KIRREL3: variants seen among roughly 807,000 people sequenced by gnomAD.
KIRREL3 encodes kirre like nephrin family adhesion molecule 3, also known as kin of IRRE-like protein 3.
A neutral mutation model predicts 89.7 loss-of-function variants in KIRREL3; 36 were observed. That is an observed-to-expected ratio of 0.40 (90% CI 0.31 to 0.53). The LOEUF (loss-of-function observed/expected upper bound fraction) is 0.53, where lower values mean the gene tolerates loss of function less well. Ranked by LOEUF, KIRREL3 falls within the 20% of genes least tolerant of loss-of-function variation. The pLI is 0.49. For synonymous variants in KIRREL3, 445 were observed against 441.4 expected (o/e 1.01, Z -0.10); for missense variants, 864 against 1,056.6 (o/e 0.82, Z 2.53).
Position 126,553,604 on chromosome 11 carries a change from G to C in KIRREL3, c.133+9231C>G, listed in dbSNP as rs1306730333. 2.6e-5 allele frequency among the ~76,000 whole-genome samples: 4 copies of C among 152,194 alleles called. No homozygotes were observed. Among genetic ancestry groups the C allele is most frequent in the Non-Finnish European group, 5.9e-5 (4 of 68,028 alleles). On this transcript the variant is annotated intron_variant, in intron 2 of 16. Coordinates refer to ENST00000525144, the MANE Select transcript of KIRREL3 (RefSeq NM_032531.4). The surrounding 1 kb of genome is among the most constrained non-coding windows in gnomAD (Gnocchi z 4.7). ...GGTGGCCACCTCAAGGGAGCAGCTG[G>C]GGCTATCTGCGTGTCGATTCCCGTC...
At chr11:126,464,310 C>T (rs1214523603) in intron 5 of KIRREL3, among the ~76,000 whole-genome samples, 1 of 143,382 alleles carries the variant, frequency 7.0e-6, no homozygotes, top group African/African-American at 2.6e-5. Flanking sequence ...GACTTGGTGA[C>T]CAGCCTGGGC....
chr11:126,679,098 G>A lies in KIRREL3; in HGVS notation c.56-116186C>T, dbSNP rs979000479. Among the ~76,000 whole-genome samples, 8 of 152,184 alleles carry A rather than the reference G, an allele frequency of 5.3e-5. No homozygotes were observed. The East Asian group carries it at 1.5e-3, about 29-fold the overall frequency. ...CACATTATGAGAACTTGCTGGTGCT[G>A]CCCTCTGCCCCTTCTTCCTGAATGT... is the stretch of plus-strand genomic sequence containing the variant. On this transcript the variant is annotated intron_variant, in intron 1 of 16. Transcript: ENST00000525144.
chr11:126,858,412 T>A lies in KIRREL3; in HGVS notation c.55+142043A>T, dbSNP rs895005964. Among the ~76,000 whole-genome samples, 4 of 152,178 alleles carry A rather than the reference T, an allele frequency of 2.6e-5. No individual in the cohort carries two copies. The South Asian group carries it at 8.3e-4, about 32-fold the overall frequency. On this transcript the variant is annotated intron_variant, in intron 1 of 16. Transcript: ENST00000525144. ...GGGAGGGACAGAAAGGCTGGGATGATGTGGCAGGGTGCATATGCTTGCCAT... is the reference window on the plus strand; with the variant it reads ...GGGAGGGACAGAAAGGCTGGGATGAAGTGGCAGGGTGCATATGCTTGCCAT...
At chr11:126,473,248 CCCTCCCCACCCACTCCCCTTG>C in intron 5 of KIRREL3, 40 bp downstream of exon 5, 1 of 693,900 alleles carries the variant, frequency 1.4e-6, no homozygotes, top group Non-Finnish European at 2.0e-6. Flanking sequence ...CCACCTAGCC[CCCTCCCCACCCACTCCCCTTG>C]AAGCCCGTCC....
rs1950855229 is a variant in KIRREL3, at chr11:126,797,611, G to A, written c.55+202844C>T. ...ATCTACTCCACAGCCTGTGACAGCT[G>A]GGGCTGTGTGATGGGGCTTCTGATG... On this transcript the variant is annotated intron_variant, in intron 1 of 16. Transcript: ENST00000525144. This position sits in a 1 kb window ranked among gnomAD's most constrained non-coding sequence, Gnocchi z 4.9. Among the ~76,000 whole-genome samples the A allele has an allele frequency of 1.3e-5, 2 of 152,252 alleles. No individual in the cohort carries two copies. The highest frequency in any genetic ancestry group is 3.9e-4 in the East Asian group (2 of 5,170).
rs200891282 is a variant in KIRREL3 at position 126,450,379 on chromosome 11, ATGTG to A, written c.849-1226_849-1223del. ...TGCATGTGTGCATGTGTGAGTGTGC[ATGTG>A]TGAGTGTGGGTATGTGTGAGTGTGT... On this transcript the variant is annotated intron_variant, in intron 7 of 16. Coordinates refer to ENST00000525144, the MANE Select transcript of KIRREL3 (RefSeq NM_032531.4). Among the ~76,000 whole-genome samples, 520 of 129,760 alleles carry A rather than the reference ATGTG, an allele frequency of 4.0e-3. 7 individuals are homozygous for A. In the Middle Eastern group the frequency reaches 0.088, roughly 22 times the overall value. The allele number at this position is 129,760 out of a possible 152,430, so 85.1% of individuals were successfully genotyped here.
chr11:126,592,640 T>C (rs1035551523), intron 1 of KIRREL3, among the ~76,000 whole-genome samples: 1 of 152,192 alleles, frequency 6.6e-6, no homozygotes, highest in South Asian at 2.1e-4. Context: ...TCTGCATGCC[T>C]GCTGTGCGGG....
Position 126,501,319 on chromosome 11 carries a change from C to T in KIRREL3, c.433+19996G>A, listed in dbSNP as rs1957854082. 1.3e-5 allele frequency among the ~76,000 whole-genome samples: 2 copies of T among 152,162 alleles called. No homozygotes were observed. Among genetic ancestry groups the T allele is most frequent in the South Asian group, 4.1e-4 (2 of 4,822 alleles). The stretch of plus-strand genomic sequence containing the variant: ...TTGTAGTTCTAAAGCCTATTCATTT[C>T]CTCCATGTTCACATCTTTAAGAGGG... On this transcript the variant is annotated intron_variant, in intron 4 of 16. Coordinates refer to ENST00000525144, the MANE Select transcript of KIRREL3 (RefSeq NM_032531.4). The surrounding 1 kb of genome is among the most constrained non-coding windows in gnomAD (Gnocchi z 5.8).
chr11:126,837,828 A>G lies in KIRREL3; in HGVS notation c.55+162627T>C, dbSNP rs1218972763. Among the ~76,000 whole-genome samples, 2 of 152,228 alleles carry G rather than the reference A, an allele frequency of 1.3e-5. No homozygotes were observed. Among genetic ancestry groups the G allele is most frequent in the East Asian group, 1.9e-4 (1 of 5,200 alleles). ...GGACAGCAACTTGCTATCCATTTCT[A>G]GCAGCTCGCAGTCTATGTCCAGGCA... is the stretch of plus-strand genomic sequence containing the variant. On this transcript the variant is annotated intron_variant, in intron 1 of 16. Transcript: ENST00000525144. This position sits in a 1 kb window ranked among gnomAD's most constrained non-coding sequence, Gnocchi z 4.7.
chr11:126,610,136 A>T lies in KIRREL3; in HGVS notation c.56-47224T>A, dbSNP rs1943065089. On this transcript the variant is annotated intron_variant, in intron 1 of 16. Coordinates refer to ENST00000525144, the MANE Select transcript of KIRREL3 (RefSeq NM_032531.4). This position sits in a 1 kb window ranked among gnomAD's most constrained non-coding sequence, Gnocchi z 4.6. ...GACAGAATTTTGCCCTTTCACCCAG[A>T]CTGGAGTGCAGCAGCAAGATCTCGG... Among the ~76,000 whole-genome samples, 1 of 151,874 alleles carries T rather than the reference A, an allele frequency of 6.6e-6. No individual in the cohort carries two copies.
rs1956594334 is a variant in KIRREL3 at position 126,462,943 on chromosome 11, A to T, written c.742+214T>A. On this transcript the variant is annotated intron_variant, in intron 6 of 16. Coordinates refer to ENST00000525144, the MANE Select transcript of KIRREL3 (RefSeq NM_032531.4). This position sits in a 1 kb window ranked among gnomAD's most constrained non-coding sequence, Gnocchi z 4.8. ...ACAGGTGTTGAAATGTGGCCTGAAG[A>T]TGTCCTTTGCGAAAGACCCTCATCT... is the stretch of plus-strand genomic sequence containing the variant. Among the ~76,000 whole-genome samples, 1 of 152,222 alleles carries T rather than the reference A, an allele frequency of 6.6e-6. No homozygotes were observed. Among genetic ancestry groups the T allele is most frequent in the Non-Finnish European group, 1.5e-5 (1 of 68,036 alleles).
rs905227260 is a variant in KIRREL3, at chr11:126,682,528, T to C, written c.56-119616A>G. 1.3e-5 allele frequency among the ~76,000 whole-genome samples: 2 copies of C among 152,154 alleles called. No individual in the cohort carries two copies. The highest frequency in any genetic ancestry group is 1.3e-4 in the Admixed American group (2 of 15,280). On this transcript the variant is annotated intron_variant, in intron 1 of 16. Coordinates refer to ENST00000525144, the MANE Select transcript of KIRREL3 (RefSeq NM_032531.4). The surrounding 1 kb of genome is among the most constrained non-coding windows in gnomAD (Gnocchi z 4.8). ...GATGACCTCTGAGTGCGGAGCTTTT[T>C]TGTCAATTTTTTAAAGACAGTGGTC...
rs1944639164 is a variant in KIRREL3, at chr11:126,645,678, AAC to A, written c.56-82768_56-82767del. Among the ~76,000 whole-genome samples the A allele has an allele frequency of 6.6e-6, 1 of 152,280 alleles. No homozygotes were observed. On this transcript the variant is annotated intron_variant, in intron 1 of 16. Transcript: ENST00000525144. The surrounding 1 kb of genome is among the most constrained non-coding windows in gnomAD (Gnocchi z 4.9). ...ACTCTCAAAGCCTTTGTTAATTAAA[AAC>A]ACACACAGCTCTTCAGGGAACATTT...
chr11:126,806,385 T>C (rs182503817), intron 1 of KIRREL3, among the ~76,000 whole-genome samples: 49 of 152,312 alleles, frequency 3.2e-4, no homozygotes, highest in African/African-American at 1.1e-3. Context: ...CAGATCTCTA[T>C]CTGTAAACTA....
Position 126,978,211 on chromosome 11 carries a change from GC to G in KIRREL3, c.55+22243del, listed in dbSNP as rs1313735515. Among the ~76,000 whole-genome samples the G allele has an allele frequency of 2.0e-5, 3 of 152,146 alleles. No homozygotes were observed. Among genetic ancestry groups the G allele is most frequent in the Admixed American group, 6.5e-5 (1 of 15,276 alleles). On this transcript the variant is annotated intron_variant, in intron 1 of 16. Transcript: ENST00000525144. This position sits in a 1 kb window ranked among gnomAD's most constrained non-coding sequence, Gnocchi z 4.2. The stretch of plus-strand genomic sequence containing the variant: ...ATGCGATTCTTTCAGGGTTGCTTCT[GC>G]CCTTCCTCTTCTCCAACATTTTCTT...
chr11:126,801,189 A>T (rs1020048493), intron 1 of KIRREL3, among the ~76,000 whole-genome samples: 1 of 152,214 alleles, frequency 6.6e-6, no homozygotes, highest in African/African-American at 2.4e-5. Flanking sequence ...TTACATTTCA[A>T]TTTTTATGAA....
Position 126,750,774 on chromosome 11 carries a change from A to C in KIRREL3, c.56-187862T>G, listed in dbSNP as rs1254268534. ...CCTAGCTATATCACATGGATTGTCCAAGCTAACAAATGGTAGTGCAAACGT... is the reference window on the plus strand; with the variant it reads ...CCTAGCTATATCACATGGATTGTCCCAGCTAACAAATGGTAGTGCAAACGT... On this transcript the variant is annotated intron_variant, in intron 1 of 16. Coordinates refer to ENST00000525144, the MANE Select transcript of KIRREL3 (RefSeq NM_032531.4). The surrounding 1 kb of genome is among the most constrained non-coding windows in gnomAD (Gnocchi z 4.2). 6.6e-6 allele frequency among the ~76,000 whole-genome samples: 1 copy of C among 152,232 alleles called. No individual in the cohort carries two copies. The highest frequency in any genetic ancestry group is 1.5e-5 in the Non-Finnish European group (1 of 68,036).
Position 126,653,181 on chromosome 11 carries a change from G to A in KIRREL3, c.56-90269C>T, listed in dbSNP as rs1565622048. On this transcript the variant is annotated intron_variant, in intron 1 of 16. Coordinates refer to ENST00000525144, the MANE Select transcript of KIRREL3 (RefSeq NM_032531.4). The surrounding 1 kb of genome is among the most constrained non-coding windows in gnomAD (Gnocchi z 5.4). ...AGAATGATGGAATAACTAGGCAAGT[G>A]AGAGAGGCAGACAGTGCACTATCTA... Among the ~76,000 whole-genome samples the A allele has an allele frequency of 6.6e-6, 1 of 152,238 alleles. No homozygotes were observed. Among genetic ancestry groups the A allele is most frequent in the Non-Finnish European group, 1.5e-5 (1 of 68,034 alleles).
chr11:126,534,513 G>C (rs647185), intron 2 of KIRREL3, among the ~76,000 whole-genome samples: 70,231 of 152,034 alleles, frequency 0.46, 17,129 homozygotes, highest in East Asian at 0.86. Context: ...GGCTCTGCGG[G>C]GCAGGGTCCC....
Sources: allele counts gnomAD v4.1 joint callset (sites outside exome capture counted in the v4.1 genomes callset), GRCh38; gene constraint gnomAD v4.1.1; non-coding constraint Gnocchi (gnomAD v3.1); transcripts MANE v1.5; gene names NCBI Gene and HGNC (gene_info 2026-07-23, HGNC 2026-07-21).